The following TNFAIP8 variants were observed in gnomAD, a reference collection of about 807,000 sequenced individuals.
The protein encoded by TNFAIP8 is tumor necrosis factor alpha-induced protein 8.
TNFAIP8 carries 7 observed loss-of-function variants against 13.3 expected under a neutral mutation model. The observed-to-expected ratio is 0.52, with a 90% CI of 0.30 to 0.99. The LOEUF is 0.99. TNFAIP8 is among the 50% of genes least tolerant of loss of function. The pLI, the probability that TNFAIP8 is intolerant of heterozygous loss-of-function variation, is 0.07. For missense variants in TNFAIP8, 258 were observed against 236.9 expected (o/e 1.09, Z -0.58); for synonymous variants, 94 against 87.6 (o/e 1.07, Z -0.41).
chr5:119,351,404 C>CT (rs60338100), upstream of TNFAIP8, among the ~76,000 whole-genome samples: 57,658 of 151,744 alleles, frequency 0.38, 12,803 homozygotes, highest in African/African-American at 0.62. Context: ...AACCATTCTG[C>CT]TTTTTTTGCT....
chr5:119,343,988 C>A (rs73237264), intron 1 of TNFAIP8, among the ~76,000 whole-genome samples: 24 of 152,120 alleles, frequency 1.6e-4, no homozygotes, highest in Admixed American at 3.3e-4. Flanking sequence ...TGTGTGTGGG[C>A]GCACATTCAT....
At chr5:119,305,532 C>G (rs1749523853) in intron 1 of TNFAIP8, among the ~76,000 whole-genome samples, 1 of 135,548 alleles carries the variant, frequency 7.4e-6, no homozygotes. Context: ...GAGTTCAAGG[C>G]TGTAGTGCAC....
rs1416889717 is a variant in TNFAIP8 at position 119,399,132 on chromosome 5, G to A, written c.*5751G>A. 1 of 152,158 alleles carries A rather than the reference G, an allele frequency of 6.6e-6. No individual in the cohort carries two copies. Among genetic ancestry groups the A allele is most frequent in the Non-Finnish European group, 1.5e-5 (1 of 68,040 alleles). The allele number at this position is 152,158 out of a possible 1,614,324, so 9.4% of individuals were successfully genotyped here. On this transcript the variant is annotated 3_prime_UTR_variant, in exon 2 of 2. Coordinates refer to ENST00000504771, the MANE Select transcript of TNFAIP8 (RefSeq NM_014350.4). ...TTTTAGCTTGCTAAAATATTCACTG[G>A]AGAACATGGTGAAATCCACGAGTGG...
intron 1 of TNFAIP8, among the ~76,000 whole-genome samples, chr5:119,270,510 C>T (rs1393937979): frequency 1.3e-5 from 2 of 152,200 alleles, no homozygotes; most frequent in Admixed American, 6.5e-5. Flanking sequence ...GATCCTCCTG[C>T]CTCAGCCTCC....
intron 1 of TNFAIP8, among the ~76,000 whole-genome samples, chr5:119,390,919 G>C (rs913564174): frequency 2.3e-4 from 35 of 151,696 alleles, no homozygotes; most frequent in African/African-American, 7.3e-4. Context: ...CCCAGGCTCA[G>C]ATTATTCTCC....
chr5:119,372,803 A>G (rs529119311), intron 1 of TNFAIP8, among the ~76,000 whole-genome samples: 1 of 152,138 alleles, frequency 6.6e-6, no homozygotes, highest in South Asian at 2.1e-4. Context: ...CTCCTAAAAT[A>G]TACACAAATT....
rs67551765 is a variant in TNFAIP8 at position 119,372,322 on chromosome 5, C to CAAAA, written c.31+16215_31+16218dup. 1.2e-4 allele frequency among the ~76,000 whole-genome samples: 14 copies of CAAAA among 112,092 alleles called. No individual in the cohort carries two copies. In the South Asian group the frequency reaches 2.3e-3, roughly 19 times the overall value. The allele number at this position is 112,092 out of a possible 152,430, so 73.5% of individuals were successfully genotyped here. A position where few individuals can be genotyped will look rare whatever the true frequency, so the allele number is the denominator to read the frequency against. On this transcript the variant is annotated intron_variant, in intron 1 of 1. Transcript: ENST00000504771. The stretch of plus-strand genomic sequence containing the variant: ...TTAGCAACAGAGTGAGACCCTGTCT[C>CAAAA]AAAAAAAAAAAAAAAAAGAATACTA...
intron 1 of TNFAIP8, among the ~76,000 whole-genome samples, chr5:119,282,728 T>C (rs1561981547): frequency 6.6e-6 from 1 of 152,152 alleles, no homozygotes; most frequent in Non-Finnish European, 1.5e-5. Context: ...TGACCTTCCT[T>C]TTCTGACCAC....
chr5:119,378,002 G>C (rs962122231), intron 1 of TNFAIP8, among the ~76,000 whole-genome samples: 6 of 152,196 alleles, frequency 3.9e-5, no homozygotes, highest in African/African-American at 1.4e-4. Context: ...CCATAATTTA[G>C]CTCAAATCCA....
intron 1 of TNFAIP8, among the ~76,000 whole-genome samples, chr5:119,383,727 G>C (rs1299052896): frequency 6.6e-6 from 1 of 152,140 alleles, no homozygotes; most frequent in African/African-American, 2.4e-5. Flanking sequence ...AAGGGTTGAG[G>C]GTCAGAACTG....
intron 1 of TNFAIP8, among the ~76,000 whole-genome samples, chr5:119,342,861 G>T (rs1562008917): frequency 6.6e-6 from 1 of 152,176 alleles, no homozygotes; most frequent in Non-Finnish European, 1.5e-5. Context: ...TAGGAGACTT[G>T]CTTAATAGAA....
At chr5:119,319,788 C>A (rs1041207175) in intron 1 of TNFAIP8, among the ~76,000 whole-genome samples, 5 of 152,168 alleles carry the variant, frequency 3.3e-5, no homozygotes, top group Non-Finnish European at 5.9e-5. Flanking sequence ...TAGATATTTT[C>A]TAGAATAGAA....
At chr5:119,350,348 G>C (rs1465736241) in intron 1 of TNFAIP8, among the ~76,000 whole-genome samples, 1 of 152,176 alleles carries the variant, frequency 6.6e-6, no homozygotes, top group Non-Finnish European at 1.5e-5. Context: ...AAGCATATGG[G>C]ATGATATATG....
chr5:119,355,325 G>A (rs1393819066), upstream of TNFAIP8: 5 of 702,072 alleles, frequency 7.1e-6, no homozygotes, highest in Non-Finnish European at 1.3e-5. Context: ...GCTGTGCTTG[G>A]AGTACCAGTG....
chr5:119,302,847 C>T (rs1749439001), intron 1 of TNFAIP8, among the ~76,000 whole-genome samples: 1 of 152,174 alleles, frequency 6.6e-6, no homozygotes, highest in African/African-American at 2.4e-5. Context: ...TTTCTCTCTG[C>T]CCTAATTTTG....
At chr5:119,343,742 G>A (rs1455183004) in intron 1 of TNFAIP8, among the ~76,000 whole-genome samples, 1 of 152,130 alleles carries the variant, frequency 6.6e-6, no homozygotes, top group African/African-American at 2.4e-5. Context: ...TAGAAGTATA[G>A]GTCCACTGTG....
chr5:119,392,677 A>G, intron 1 of TNFAIP8, 139 bp from the exon 2 acceptor site: 1 of 1,012,924 alleles, frequency 9.9e-7, no homozygotes, highest in Non-Finnish European at 1.4e-6. Flanking sequence ...AACAGAGACT[A>G]ATGTCGGTAG....
chr5:119,307,771 G>GTA (rs138056808), intron 1 of TNFAIP8, among the ~76,000 whole-genome samples: 3,418 of 152,210 alleles, frequency 0.022, 127 homozygotes, highest in African/African-American at 0.079. Context: ...AAGACTGTGT[G>GTA]TATATATGTA....
chr5:119,354,151 A>G (rs1751291933), upstream of TNFAIP8, among the ~76,000 whole-genome samples: 1 of 152,188 alleles, frequency 6.6e-6, no homozygotes. Context: ...TAAGTCTGAG[A>G]TTACTGAGTG....
Sources: allele counts gnomAD v4.1 joint callset (sites outside exome capture counted in the v4.1 genomes callset), GRCh38; gene constraint gnomAD v4.1.1; transcripts MANE v1.5; gene names NCBI Gene and HGNC (gene_info 2026-07-23, HGNC 2026-07-21).